The following LRMDA variants were observed in gnomAD, a reference collection of about 807,000 sequenced individuals.
LRMDA encodes leucine rich melanocyte differentiation associated.
A neutral mutation model predicts 29.8 loss-of-function variants in LRMDA; 18 were observed. The ratio of observed to expected loss-of-function variants is 0.60; its 90% CI spans 0.42 to 0.90. The LOEUF (loss-of-function observed/expected upper bound fraction) is 0.90, where lower values mean the gene tolerates loss of function less well. LRMDA is among the 40% of genes least tolerant of loss of function. The probability of loss-of-function intolerance (pLI) is 0.00; values close to 1 mark genes in which losing one functional copy is unlikely to be tolerated. For synonymous variants in LRMDA, 125 were observed against 109.4 expected, an observed-to-expected ratio of 1.14 and a Z score of -0.89; for missense variants, 273 against 273.9, an observed-to-expected ratio of 1.00 and a Z score of 0.02.
At chr10:75,835,132 T>C (rs1184515403) in intron 2 of LRMDA, among the ~76,000 whole-genome samples, 2 of 152,234 alleles carry the variant, frequency 1.3e-5, no homozygotes, top group Non-Finnish European at 1.5e-5. Context: ...TGTTCTCTTA[T>C]AGTTCTAGAG....
At chr10:75,600,392 T>C (rs999175202) in intron 2 of LRMDA, among the ~76,000 whole-genome samples, 3 of 152,198 alleles carry the variant, frequency 2.0e-5, no homozygotes, top group Non-Finnish European at 4.4e-5. Flanking sequence ...CCCTTAAACC[T>C]GGCAGCCCTG....
intron 5 of LRMDA, among the ~76,000 whole-genome samples, chr10:76,146,995 G>A (rs1850336342): frequency 6.6e-6 from 1 of 152,176 alleles, no homozygotes; most frequent in African/African-American, 2.4e-5. Flanking sequence ...CTTTTCTTAA[G>A]AATGTTGAAT....
chr10:75,967,082 T>C (rs1049306312), intron 2 of LRMDA, among the ~76,000 whole-genome samples: 1 of 152,182 alleles, frequency 6.6e-6, no homozygotes, highest in Non-Finnish European at 1.5e-5. Flanking sequence ...ACAAGTTTCC[T>C]TGAGGTGTTG....
chr10:75,440,773 T>C (rs11001392), intron 2 of LRMDA, among the ~76,000 whole-genome samples: 17,712 of 152,172 alleles, frequency 0.12, 3,017 homozygotes, highest in African/African-American at 0.38. Context: ...TGGTGGCTCA[T>C]AGCTGTAATC....
At chr10:75,948,014 G>C (rs1846506567) in intron 2 of LRMDA, among the ~76,000 whole-genome samples, 1 of 152,198 alleles carries the variant, frequency 6.6e-6, no homozygotes, top group African/African-American at 2.4e-5. Flanking sequence ...CCATAGAAGG[G>C]CCTTGAATGA....
At chr10:76,253,520 GGAGAGAGA>G (rs60609129) in intron 5 of LRMDA, among the ~76,000 whole-genome samples, 2 of 148,030 alleles carry the variant, frequency 1.4e-5, no homozygotes, top group African/African-American at 5.0e-5. Flanking sequence ...GAAGAGAGGG[GGAGAGAGA>G]GAGAGAGAGA....
At chr10:76,489,802 G>A (rs1285194948) in intron 6 of LRMDA, among the ~76,000 whole-genome samples, 1 of 151,628 alleles carries the variant, frequency 6.6e-6, no homozygotes, top group Non-Finnish European at 1.5e-5. Flanking sequence ...ATGTACTCAT[G>A]TAAACAAACA....
intron 2 of LRMDA, among the ~76,000 whole-genome samples, chr10:75,890,284 A>G (rs117474672): frequency 3.2e-4 from 48 of 152,358 alleles, no homozygotes; most frequent in Non-Finnish European, 6.2e-4. Flanking sequence ...CTGAAATGGA[A>G]TATCTTAGGC....
chr10:76,508,085 G>T (rs1195833026), intron 6 of LRMDA, among the ~76,000 whole-genome samples: 2 of 152,030 alleles, frequency 1.3e-5, no homozygotes, highest in East Asian at 3.9e-4. Flanking sequence ...TGCATATTTG[G>T]CCAGAATAGC....
At chr10:75,817,352 A>G (rs1475815625) in intron 2 of LRMDA, among the ~76,000 whole-genome samples, 1 of 152,234 alleles carries the variant, frequency 6.6e-6, no homozygotes, top group Admixed American at 6.5e-5. Flanking sequence ...AAATTATTTC[A>G]TCTGAGATAG....
chr10:76,300,218 G>A (rs1309728817), intron 5 of LRMDA, among the ~76,000 whole-genome samples: 3 of 152,194 alleles, frequency 2.0e-5, no homozygotes, highest in Non-Finnish European at 2.9e-5. Flanking sequence ...AAAATAGACT[G>A]TGAGATCTGT....
chr10:75,480,581 CAG>C (rs1844844800), intron 2 of LRMDA, among the ~76,000 whole-genome samples: 1 of 152,228 alleles, frequency 6.6e-6, no homozygotes, highest in Admixed American at 6.5e-5. Context: ...GGGACACAAA[CAG>C]GGAAGGCAGA....
chr10:75,623,253 C>T (rs1462358526), intron 2 of LRMDA, among the ~76,000 whole-genome samples: 2 of 152,176 alleles, frequency 1.3e-5, no homozygotes, highest in Non-Finnish European at 2.9e-5. Context: ...CAATTTAACA[C>T]AGGCAGCCTG....
intron 6 of LRMDA, among the ~76,000 whole-genome samples, chr10:76,485,399 T>C (rs1434815058): frequency 6.6e-6 from 1 of 151,936 alleles, no homozygotes; most frequent in African/African-American, 2.4e-5. Flanking sequence ...TTATGGATAG[T>C]GTGGGTACCA....
chr10:75,864,495 T>C (rs1177495368), intron 2 of LRMDA, among the ~76,000 whole-genome samples: 2 of 152,160 alleles, frequency 1.3e-5, no homozygotes. Flanking sequence ...CATGTGGCAT[T>C]AATATGGTTT....
chr10:75,672,513 TTCTTTTCTTTTCCTCCCCTCCCCTCC>T (rs1841903099), intron 2 of LRMDA, among the ~76,000 whole-genome samples: 1 of 39,576 alleles, frequency 2.5e-5, no homozygotes, highest in East Asian at 1.9e-3. Context: ...CCTTGTATTT[TTCTTTTCTTTTCCTCCCCTCCCCTCC>T]CCTCCCCTCC....
At chr10:75,498,613 G>A (rs915775562) in intron 2 of LRMDA, among the ~76,000 whole-genome samples, 32 of 152,116 alleles carry the variant, frequency 2.1e-4, no homozygotes, top group Non-Finnish European at 2.2e-4. Context: ...AGAGAGGAGC[G>A]GCTAGTATGA....
chr10:75,525,860 T>C (rs918991279), intron 2 of LRMDA, among the ~76,000 whole-genome samples: 39 of 151,588 alleles, frequency 2.6e-4, no homozygotes, highest in Non-Finnish European at 5.9e-5. Flanking sequence ...CCTTTTCTTT[T>C]GATCTCCATG....
rs138568518 is a variant in LRMDA at position 75,845,597 on chromosome 10, C to A, written c.132-190411C>A. Among the ~76,000 whole-genome samples the A allele has an allele frequency of 5.2e-3, 791 of 152,296 alleles. 11 individuals are homozygous for A. Among genetic ancestry groups the A allele is most frequent in the African/African-American group, 0.018 (759 of 41,560 alleles). On this transcript the variant is annotated intron_variant, in intron 2 of 6. Coordinates refer to ENST00000611255, the MANE Select transcript of LRMDA (RefSeq NM_001305581.2). ...TCTCTTTTTGGAGAAGTCCAGGATG[C>A]CAGGTAGCTGCAGAGGGAAGGAGCT...
Sources: allele counts gnomAD v4.1 joint callset (sites outside exome capture counted in the v4.1 genomes callset), GRCh38; gene constraint gnomAD v4.1.1; transcripts MANE v1.5; gene names NCBI Gene and HGNC (gene_info 2026-07-23, HGNC 2026-07-21).